The following ANO6 variants were observed in gnomAD, a reference collection of about 807,000 sequenced individuals.
ANO6 encodes anoctamin 6.
ANO6 carries 106 observed loss-of-function variants against 117.5 expected under a neutral mutation model. The observed-to-expected ratio is 0.90, with a 90% confidence interval of 0.77 to 1.06. The LOEUF is 1.06. ANO6 is among the 50% of genes least tolerant of loss of function. The pLI is 0.00. For synonymous variants in ANO6, 367 were observed against 385.1 expected (o/e 0.95, Z 0.55); for missense variants, 955 against 1,121.1 (o/e 0.85, Z 2.12).
intron 15 of ANO6, among the ~76,000 whole-genome samples, chr12:45,407,258 C>T (rs747317232): frequency 6.6e-6 from 1 of 152,144 alleles, no homozygotes; most frequent in Non-Finnish European, 1.5e-5. Flanking sequence ...AAGTAGTTGC[C>T]AGGACAGAAG....
At chr12:45,341,841 G>A (rs1228974791) in intron 3 of ANO6, among the ~76,000 whole-genome samples, 1 of 152,146 alleles carries the variant, frequency 6.6e-6, no homozygotes, top group African/African-American at 2.4e-5. Context: ...CTGCAGAACA[G>A]AGAGAATTTC....
At chr12:45,373,106 A>G (rs1164241090) in intron 9 of ANO6, among the ~76,000 whole-genome samples, 2 of 152,068 alleles carry the variant, frequency 1.3e-5, no homozygotes, top group Non-Finnish European at 2.9e-5. Context: ...AGATCAAAAG[A>G]GACAAAGAAG....
At chr12:45,367,473 C>T (rs1941715724) in intron 8 of ANO6, among the ~76,000 whole-genome samples, 1 of 152,088 alleles carries the variant, frequency 6.6e-6, no homozygotes, top group Admixed American at 6.5e-5. Flanking sequence ...GAATCTTTTG[C>T]TTTATTCCTG....
chr12:45,259,293 A>G (rs1306377430), intron 1 of ANO6, among the ~76,000 whole-genome samples: 1 of 152,182 alleles, frequency 6.6e-6, no homozygotes, highest in African/African-American at 2.4e-5. Flanking sequence ...TATAGGGTTT[A>G]GGGGTTTGTG....
rs142726767 is a variant in ANO6, at chr12:45,424,697, A to G, written c.2526+1635A>G. On this transcript the variant is annotated intron_variant, in intron 19 of 19. Coordinates refer to ENST00000320560, the MANE Select transcript of ANO6 (RefSeq NM_001025356.3). ...GCACTCTTGTAGTGCTGGAGGTCTC[A>G]AAGAGCAAGCTGGTACCCATCAGTG... Among the ~76,000 whole-genome samples, 117 of 152,232 alleles carry G rather than the reference A, an allele frequency of 7.7e-4. 1 individual carries two copies. The highest frequency in any genetic ancestry group is 2.7e-3 in the African/African-American group (113 of 41,540).
At chr12:45,218,818 TA>T (rs1326147946) in intron 1 of ANO6, among the ~76,000 whole-genome samples, 3 of 152,244 alleles carry the variant, frequency 2.0e-5, no homozygotes, top group African/African-American at 7.2e-5. Flanking sequence ...TTTACGCTAT[TA>T]ACTAATATTT....
At chr12:45,364,871 G>A (rs1312178835) in intron 8 of ANO6, among the ~76,000 whole-genome samples, 1 of 152,068 alleles carries the variant, frequency 6.6e-6, no homozygotes, top group Non-Finnish European at 1.5e-5. Context: ...ATTGAGAACT[G>A]GACATTTTAA....
intron 1 of ANO6, chr12:45,256,576 A>AATAT (rs1937837641): frequency 6.6e-6 from 1 of 152,138 alleles, no homozygotes; most frequent in South Asian, 2.1e-4. Context: ...ACTGACAGAG[A>AATAT]ATATATATGG....
downstream of ANO6, among the ~76,000 whole-genome samples, chr12:45,433,370 A>G (rs1943670185): frequency 6.6e-6 from 1 of 152,174 alleles, no homozygotes; most frequent in African/African-American, 2.4e-5. Flanking sequence ...TACCGATACA[A>G]GGGCAGTGGA....
rs1943583853 is a variant in ANO6 at position 45,429,444 on chromosome 12, T to C, written c.*133T>C. 2.0e-6 allele frequency: 3 copies of C among 1,495,086 alleles called. No homozygotes were observed. The highest frequency in any genetic ancestry group is 2.7e-6 in the Non-Finnish European group (3 of 1,128,384). 92.6% of individuals were successfully genotyped at this position (1,495,086 alleles called of 1,614,324 possible). A position where few individuals can be genotyped will look rare whatever the true frequency, so the allele number is the denominator to read the frequency against. On this transcript the variant is annotated 3_prime_UTR_variant, in exon 20 of 20. Coordinates refer to ENST00000320560, the MANE Select transcript of ANO6 (RefSeq NM_001025356.3). ...CAACTATTGCCATTTCCTCATGTAT[T>C]ATTTTTCAGTTTCAGCTAGCGATGC...
chr12:45,292,746 A>G, intron 1 of ANO6: 2 of 1,419,828 alleles, frequency 1.4e-6, no homozygotes, highest in Non-Finnish European at 1.9e-6. Flanking sequence ...AACAACACCA[A>G]ACATGGAAAT....
chr12:45,239,507 ATT>A (rs140604714), intron 1 of ANO6, among the ~76,000 whole-genome samples: 3,396 of 148,542 alleles, frequency 0.023, 70 homozygotes, highest in East Asian at 0.07. Context: ...GGATTCATTG[ATT>A]TTTTTTTTTT....
chr12:45,240,746 G>T (rs1186018328), intron 1 of ANO6, among the ~76,000 whole-genome samples: 1 of 152,090 alleles, frequency 6.6e-6, no homozygotes, highest in African/African-American at 2.4e-5. Context: ...GGCAGGCCTG[G>T]TGGTGACAAA....
At chr12:45,270,465 A>T in intron 1 of ANO6, 1 of 1,521,806 alleles carries the variant, frequency 6.6e-7, no homozygotes, top group South Asian at 1.2e-5. Flanking sequence ...CCTTCAGGTG[A>T]TGTTCCTGCC....
intron 1 of ANO6, among the ~76,000 whole-genome samples, chr12:45,272,183 TG>T (rs71437715): frequency 4.7e-5 from 2 of 42,122 alleles, no homozygotes; most frequent in South Asian, 5.6e-4. Context: ...ACCACCTTTT[TG>T]GGTTTTTTTT....
intron 1 of ANO6, among the ~76,000 whole-genome samples, chr12:45,276,822 C>T (rs755190481): frequency 3.9e-5 from 6 of 152,020 alleles, no homozygotes; most frequent in African/African-American, 4.8e-5. Context: ...ATGAGCTCCC[C>T]GCCTTTTTTA....
At position 45,431,705 on chromosome 12, in the gene ANO6, T is replaced by A; in HGVS notation, c.*2394T>A. The A allele has an allele frequency of 5.1e-6, 5 of 985,424 alleles. No homozygotes were observed. Among genetic ancestry groups the A allele is most frequent in the Non-Finnish European group, 6.0e-6 (5 of 829,940 alleles). The allele number at this position is 985,424 out of a possible 1,614,324, so 61.0% of individuals were successfully genotyped here. ...GCAGTGATAAAGAAAAGCATGGAGCTGTGTCTGCAGACAATGGTGGCTGCA... is the reference window on the plus strand; with the variant it reads ...GCAGTGATAAAGAAAAGCATGGAGCAGTGTCTGCAGACAATGGTGGCTGCA... On this transcript the variant is annotated 3_prime_UTR_variant, in exon 20 of 20. Transcript: ENST00000320560.
At chr12:45,427,533 A>G (rs1943532700) in intron 19 of ANO6, among the ~76,000 whole-genome samples, 1 of 152,210 alleles carries the variant, frequency 6.6e-6, no homozygotes, top group African/African-American at 2.4e-5. Context: ...AATCTACAGA[A>G]GAATCTCTTC....
chr12:45,438,457 G>A (rs1184989858), intron 19 of ANO6, among the ~76,000 whole-genome samples: 1 of 152,116 alleles, frequency 6.6e-6, no homozygotes, highest in Non-Finnish European at 1.5e-5. Flanking sequence ...CCAATGTGAT[G>A]CCATGAGTGG....
Sources: allele counts gnomAD v4.1 joint callset (sites outside exome capture counted in the v4.1 genomes callset), GRCh38; gene constraint gnomAD v4.1.1; transcripts MANE v1.5; gene names NCBI Gene and HGNC (gene_info 2026-07-23, HGNC 2026-07-21).